DMAC2L: variants seen among roughly 807,000 people sequenced by gnomAD.
DMAC2L encodes the protein distal membrane arm assembly component 2 like, also known as ATP synthase subunit s, mitochondrial.
Under a neutral mutation model 22.5 loss-of-function variants are expected in DMAC2L, and 21 were observed. That is an observed-to-expected ratio of 0.93 (90% confidence interval 0.66 to 1.34). The LOEUF (loss-of-function observed/expected upper bound fraction) is 1.34. Among genes scored for constraint, DMAC2L ranks in the 40% most tolerant of loss-of-function variants. The pLI, the probability that DMAC2L is intolerant of heterozygous loss-of-function variation, is 0.00. For synonymous variants in DMAC2L, 86 were observed against 89.5 expected (o/e 0.96, Z 0.22); for missense variants, 239 against 246.5 (o/e 0.97, Z 0.20).
rs193277912 is a variant in DMAC2L at position 50,315,168 on chromosome 14, G to A, written c.-6+542G>A. On this transcript the variant is annotated intron_variant, in intron 2 of 5. Transcript: ENST00000557421. ...TTTTTAGTAGAGACAGGGTTTCACC[G>A]TGTTAGCCAGGATGGTCTCAATCTC... Among the ~76,000 whole-genome samples the A allele has an allele frequency of 3.9e-3, 590 of 151,050 alleles. 3 individuals carry two copies. Among genetic ancestry groups the A allele is most frequent in the African/African-American group, 0.014 (566 of 41,190 alleles).
intron 5 of DMAC2L, 89 bp from the exon 6 acceptor site, chr14:50,325,520 C>G: frequency 7.1e-7 from 1 of 1,417,712 alleles, no homozygotes; most frequent in Non-Finnish European, 9.6e-7. Context: ...GATTCATTTT[C>G]TACATAATTT....
chr14:50,321,299 A>G, intron 2 of DMAC2L, 184 bp from the exon 3 acceptor site: 1 of 1,226,206 alleles, frequency 8.2e-7, no homozygotes, highest in Non-Finnish European at 1.1e-6. Context: ...CCAACCCCTC[A>G]TTTTTTTGCA....
chr14:50,313,073 G>T, intron 1 of DMAC2L: 1 of 1,602,190 alleles, frequency 6.2e-7, no homozygotes, highest in Non-Finnish European at 8.6e-7. Context: ...CACTTCACCT[G>T]ATTCCCTTTA....
chr14:50,315,148 A>G (rs1410172734), intron 2 of DMAC2L, among the ~76,000 whole-genome samples: 1 of 150,760 alleles, frequency 6.6e-6, no homozygotes, highest in Non-Finnish European at 1.5e-5. Flanking sequence ...TTATATTTTT[A>G]GTAGAGACAG....
chr14:50,325,855 A>C lies in DMAC2L; in HGVS notation c.*132A>C. The C allele has an allele frequency of 7.4e-7, 1 of 1,358,892 alleles. No homozygotes were observed. Among genetic ancestry groups the C allele is most frequent in the Non-Finnish European group, 9.5e-7 (1 of 1,054,582 alleles). The allele number at this position is 1,358,892 out of a possible 1,614,324, so 84.2% of individuals were successfully genotyped here. A position where few individuals can be genotyped will look rare whatever the true frequency, so the allele number is the denominator to read the frequency against. ...ACATTTTAGAAGTGGAGAGTGCATC[A>C]TATGTAGAAAATAAATATTCAGACG... On this transcript the variant is annotated 3_prime_UTR_variant, in exon 6 of 6. Transcript: ENST00000557421.
upstream of DMAC2L, chr14:50,312,122 C>T (rs773202214): frequency 6.2e-7 from 1 of 1,610,174 alleles, no homozygotes; most frequent in East Asian, 2.2e-5. Context: ...TCCGCAGGCA[C>T]CAACCAAATA....
upstream of DMAC2L, chr14:50,312,309 G>C (rs934509419): frequency 4.0e-5 from 43 of 1,074,650 alleles, no homozygotes; most frequent in Non-Finnish European, 5.3e-5. Flanking sequence ...ATAGGCGCGC[G>C]CGTCGGAGGG....
intron 1 of DMAC2L, 55 bp downstream of exon 1, chr14:50,312,444 C>G: frequency 2.0e-6 from 1 of 495,298 alleles, no homozygotes; most frequent in Non-Finnish European, 3.7e-6. Context: ...TGGTTGTGTT[C>G]TGCCCTCGCC....
intron 2 of DMAC2L, chr14:50,319,402 T>G: frequency 6.8e-7 from 1 of 1,471,788 alleles, no homozygotes; most frequent in Non-Finnish European, 9.1e-7. Context: ...CAGGCATCTT[T>G]CTAGTCCTCT....
At chr14:50,318,995 GACATTCAATAA>G in intron 2 of DMAC2L, 1 of 982,924 alleles carries the variant, frequency 1.0e-6, no homozygotes, top group Non-Finnish European at 1.2e-6. Context: ...AAGTATAGCA[GACATTCAATAA>G]ACATTTTTTG....
chr14:50,312,028 G>T, upstream of DMAC2L: 4 of 1,574,300 alleles, frequency 2.5e-6, no homozygotes, highest in Non-Finnish European at 3.4e-6. Flanking sequence ...TGGCGCTGCG[G>T]CTACCTCCAC....
At chr14:50,322,822 C>G (rs1461035566) in intron 4 of DMAC2L, 103 bp downstream of exon 4, 4 of 1,553,298 alleles carry the variant, frequency 2.6e-6, no homozygotes, top group African/African-American at 2.7e-5. Context: ...TCCTTTTTGC[C>G]CATTTCATTA....
chr14:50,318,481 A>G (rs1211488250), intron 2 of DMAC2L, among the ~76,000 whole-genome samples: 3 of 152,254 alleles, frequency 2.0e-5, no homozygotes, highest in Non-Finnish European at 4.4e-5. Flanking sequence ...AAAAATATTC[A>G]GTTTTCAAAG....
chr14:50,312,332 C>G lies in DMAC2L; in HGVS notation c.-99C>G, dbSNP rs561009652. 1 of 796,680 alleles carries G rather than the reference C, an allele frequency of 1.3e-6. No homozygotes were observed. The highest frequency in any genetic ancestry group is 2.0e-6 in the Non-Finnish European group (1 of 510,012). 49.4% of individuals were successfully genotyped at this position (796,680 alleles called of 1,614,324 possible). ...GCGCGTCGGAGGGCGAAGGGCCGGC[C>G]AGGGTGCCGCAGACGCGGGGACGCT... On this transcript the variant is annotated 5_prime_UTR_variant, in exon 1 of 6. Coordinates refer to ENST00000557421, the MANE Select transcript of DMAC2L (RefSeq NM_001382507.1).
At chr14:50,324,216 A>G (rs2032519912) in intron 5 of DMAC2L, 100 bp downstream of exon 5, 1 of 1,299,250 alleles carries the variant, frequency 7.7e-7, no homozygotes, top group Non-Finnish European at 1.0e-6. Context: ...TTAGTTCTAA[A>G]AAAGATAATT....
intron 2 of DMAC2L, among the ~76,000 whole-genome samples, chr14:50,320,309 C>T (rs2032164533): frequency 6.6e-6 from 1 of 151,846 alleles, no homozygotes; most frequent in Non-Finnish European, 1.5e-5. Flanking sequence ...CAGAGTTTCA[C>T]CGTGTTAGCC....
intron 3 of DMAC2L, 82 bp downstream of exon 3, chr14:50,321,676 C>T: frequency 1.9e-6 from 2 of 1,038,640 alleles, no homozygotes; most frequent in East Asian, 2.5e-5. Flanking sequence ...GGCTATTTCT[C>T]ATATTTACAG....
chr14:50,321,805 C>T (rs547748750), intron 3 of DMAC2L, among the ~76,000 whole-genome samples: 1 of 152,042 alleles, frequency 6.6e-6, no homozygotes, highest in African/African-American at 2.4e-5. Context: ...TGCAGGATTT[C>T]GATGATTTTT....
chr14:50,312,773 C>G, intron 1 of DMAC2L: 1 of 517,632 alleles, frequency 1.9e-6, no homozygotes. Flanking sequence ...CCTGTCCGGC[C>G]CTAATCCTCG....
Sources: allele counts gnomAD v4.1 joint callset (sites outside exome capture counted in the v4.1 genomes callset), GRCh38; gene constraint gnomAD v4.1.1; transcripts MANE v1.5; gene names NCBI Gene and HGNC (gene_info 2026-07-23, HGNC 2026-07-21).